C1orf21: variants seen among roughly 807,000 people sequenced by gnomAD.
The protein encoded by C1orf21 is uncharacterized protein C1orf21.
A neutral mutation model predicts 18.7 loss-of-function variants in C1orf21; 3 were observed. That is an observed-to-expected ratio of 0.16 (90% CI 0.07 to 0.42). The LOEUF (loss-of-function observed/expected upper bound fraction) is 0.42, where lower values mean the gene tolerates loss of function less well. Among genes scored for constraint, C1orf21 ranks in the 10% least tolerant of loss-of-function variants. C1orf21 has a pLI of 0.99. For missense variants in C1orf21, 104 were observed against 143.6 expected (o/e 0.72, Z 1.41); for synonymous variants, 41 against 46.4 (o/e 0.88, Z 0.47).
At chr1:184,513,458 A>G (rs949727169) in intron 3 of C1orf21, among the ~76,000 whole-genome samples, 1 of 152,264 alleles carries the variant, frequency 6.6e-6, no homozygotes, top group Non-Finnish European at 1.5e-5. Context: ...CAGATGGTTT[A>G]CAGTAGAGGA....
intron 2 of C1orf21, among the ~76,000 whole-genome samples, chr1:184,484,169 T>C (rs775366198): frequency 3.3e-5 from 5 of 152,116 alleles, no homozygotes; most frequent in Non-Finnish European, 5.9e-5. Flanking sequence ...CCTCAGGTGA[T>C]CCACCCGCCT....
chr1:184,472,567 GC>G (rs2101988625), intron 1 of C1orf21, among the ~76,000 whole-genome samples: 1 of 152,026 alleles, frequency 6.6e-6, no homozygotes, highest in South Asian at 2.1e-4. Flanking sequence ...TTTTCCTGTA[GC>G]CTTTTTTTAA....
chr1:184,567,391 T>C, intron 3 of C1orf21: 1 of 506,210 alleles, frequency 2.0e-6, no homozygotes, highest in South Asian at 1.5e-5. Context: ...TTGGGGAACC[T>C]CATATCTTTA....
chr1:184,545,493 T>G (rs1170026150), intron 3 of C1orf21, among the ~76,000 whole-genome samples: 1 of 152,052 alleles, frequency 6.6e-6, no homozygotes, highest in African/African-American at 2.4e-5. Flanking sequence ...AGGGAGAAAT[T>G]TTTAGAAATT....
At chr1:184,564,115 T>G (rs1369142402) in intron 3 of C1orf21, among the ~76,000 whole-genome samples, 1 of 152,208 alleles carries the variant, frequency 6.6e-6, no homozygotes, top group African/African-American at 2.4e-5. Flanking sequence ...GATACCTGAA[T>G]TCAAACCCTC....
At chr1:184,603,533 G>A (rs550814865) in intron 5 of C1orf21, among the ~76,000 whole-genome samples, 7 of 152,230 alleles carry the variant, frequency 4.6e-5, no homozygotes, top group Non-Finnish European at 1.0e-4. Context: ...AGTGGCTCAC[G>A]CCTATAATCC....
chr1:184,571,256 C>T (rs1029769015), intron 3 of C1orf21, among the ~76,000 whole-genome samples: 1 of 142,698 alleles, frequency 7.0e-6, no homozygotes, highest in African/African-American at 2.6e-5. Flanking sequence ...GAGATCCCGC[C>T]ACTGCACTCC....
chr1:184,533,240 C>T (rs888077648), intron 3 of C1orf21, among the ~76,000 whole-genome samples: 1 of 152,078 alleles, frequency 6.6e-6, no homozygotes. Context: ...TGACCCCTCC[C>T]ACCACATCCT....
intron 3 of C1orf21, among the ~76,000 whole-genome samples, chr1:184,516,228 G>A (rs1363642461): frequency 6.6e-6 from 1 of 152,162 alleles, no homozygotes; most frequent in Non-Finnish European, 1.5e-5. Context: ...CTTATCTATA[G>A]AGTTGAGGAC....
chr1:184,596,596 G>T (rs1387006462), intron 4 of C1orf21, among the ~76,000 whole-genome samples: 1 of 152,102 alleles, frequency 6.6e-6, no homozygotes, highest in Non-Finnish European at 1.5e-5. Flanking sequence ...CTGGCCAGGC[G>T]CAGTGGCTTA....
At chr1:184,481,976 A>G (rs1657664463) in intron 2 of C1orf21, among the ~76,000 whole-genome samples, 1 of 152,224 alleles carries the variant, frequency 6.6e-6, no homozygotes, top group Admixed American at 6.5e-5. Context: ...AGAAGTTTTC[A>G]AAATCCCACA....
At chr1:184,451,050 G>A (rs981776876) in intron 1 of C1orf21, among the ~76,000 whole-genome samples, 1 of 152,124 alleles carries the variant, frequency 6.6e-6, no homozygotes, top group Non-Finnish European at 1.5e-5. Context: ...GCTAATTTTT[G>A]TATTTTTAGT....
chr1:184,511,887 A>AGAACAGCATGGGG (rs990841882), intron 3 of C1orf21, among the ~76,000 whole-genome samples: 2 of 152,186 alleles, frequency 1.3e-5, no homozygotes, highest in African/African-American at 4.8e-5. Context: ...CACTGTCATG[A>AGAACAGCATGGGG]GAACAGCATG....
At chr1:184,458,392 T>C (rs1242044423) in intron 1 of C1orf21, among the ~76,000 whole-genome samples, 2 of 152,216 alleles carry the variant, frequency 1.3e-5, no homozygotes, top group Non-Finnish European at 2.9e-5. Flanking sequence ...AGAAGGTTTG[T>C]CACAATCTCA....
intron 1 of C1orf21, among the ~76,000 whole-genome samples, chr1:184,410,285 G>A (rs921252779): frequency 1.3e-5 from 2 of 151,960 alleles, no homozygotes; most frequent in African/African-American, 4.8e-5. Flanking sequence ...CTGAGATAAA[G>A]GATGATTTTT....
intron 4 of C1orf21, 62 bp downstream of exon 4, chr1:184,590,877 T>C: frequency 7.1e-7 from 1 of 1,399,758 alleles, no homozygotes; most frequent in Non-Finnish European, 1.0e-6. Context: ...ATTCTGCATC[T>C]GTGGATTCAA....
intron 3 of C1orf21, among the ~76,000 whole-genome samples, chr1:184,509,834 C>G (rs1472156232): frequency 1.3e-5 from 2 of 152,128 alleles, no homozygotes; most frequent in Non-Finnish European, 2.9e-5. Context: ...AGGGGCTCAG[C>G]AAACACAACC....
At position 184,625,064 on chromosome 1, in the gene C1orf21, A is replaced by G. The variant is rs1283728226; in HGVS notation, c.*5508A>G. ...GATGATGTGGGAAATGGCCCTTACAACTTGGGAACCACAGAAATTGCTGTA... is the reference window on the plus strand; with the variant it reads ...GATGATGTGGGAAATGGCCCTTACAGCTTGGGAACCACAGAAATTGCTGTA... On this transcript the variant is annotated 3_prime_UTR_variant, in exon 6 of 6. Transcript: ENST00000235307. The G allele has an allele frequency of 6.6e-6, 1 of 152,106 alleles. No homozygotes were observed. Among genetic ancestry groups the G allele is most frequent in the Non-Finnish European group, 1.5e-5 (1 of 68,030 alleles). The allele number at this position is 152,106 out of a possible 1,614,324, so 9.4% of individuals were successfully genotyped here. A position where few individuals can be genotyped will look rare whatever the true frequency, so the allele number is the denominator to read the frequency against.
chr1:184,491,720 A>G (rs1657819631), intron 2 of C1orf21, among the ~76,000 whole-genome samples: 2 of 152,300 alleles, frequency 1.3e-5, no homozygotes, highest in African/African-American at 4.8e-5. Flanking sequence ...CAGGCTATGA[A>G]TCATCAATGA....
Sources: gnomAD v4.1 joint callset for allele counts (sites outside exome capture counted in the v4.1 genomes callset) on GRCh38, gnomAD v4.1.1 for gene constraint, MANE v1.5 for transcripts, NCBI Gene and HGNC (gene_info 2026-07-23, HGNC 2026-07-21) for gene names.